The following KHDRBS2 variants were observed in gnomAD, a reference collection of about 807,000 sequenced individuals.
The protein encoded by KHDRBS2 is KH domain-containing, RNA-binding, signal transduction-associated protein 2.
KHDRBS2 carries 26 observed loss-of-function variants against 44.3 expected under a neutral mutation model. The observed-to-expected ratio is 0.59, with a 90% CI of 0.43 to 0.81. The LOEUF (loss-of-function observed/expected upper bound fraction) is 0.81. KHDRBS2 is among the 40% of genes least tolerant of loss of function. The pLI, the probability that KHDRBS2 is intolerant of heterozygous loss-of-function variation, is 0.00. For synonymous variants in KHDRBS2, 194 were observed against 151.1 expected (o/e 1.28, Z -2.08); for missense variants, 476 against 433.1 (o/e 1.10, Z -0.88).
intron 1 of KHDRBS2, among the ~76,000 whole-genome samples, chr6:62,283,224 C>CTT (rs1450796093): frequency 1.3e-5 from 2 of 152,040 alleles, no homozygotes; most frequent in Admixed American, 1.3e-4. Flanking sequence ...TAACAATCAA[C>CTT]TGAAATCATT....
chr6:61,596,648 A>G, the KHDRBS2 span, among the ~76,000 whole-genome samples: 2 of 151,742 alleles, frequency 1.3e-5, no homozygotes, highest in African/African-American at 2.4e-5. Context: ...TTTTAATTTA[A>G]TTTAATTAAT....
intron 2 of KHDRBS2, among the ~76,000 whole-genome samples, chr6:62,091,202 G>T (rs1235757986): frequency 6.6e-6 from 1 of 152,094 alleles, no homozygotes; most frequent in Non-Finnish European, 1.5e-5. Context: ...TCCCATCAGG[G>T]TCAAATCTTA....
chr6:62,098,100 C>T (rs1801028928), intron 2 of KHDRBS2, among the ~76,000 whole-genome samples: 1 of 152,134 alleles, frequency 6.6e-6, no homozygotes, highest in Non-Finnish European at 1.5e-5. Flanking sequence ...TATATTTTCA[C>T]CATTAATATA....
intron 4 of KHDRBS2, among the ~76,000 whole-genome samples, chr6:61,903,759 A>G (rs1376524320): frequency 1.3e-5 from 2 of 152,134 alleles, no homozygotes; most frequent in East Asian, 1.9e-4. Context: ...TTTTCTTCTT[A>G]CTGGAAACCC....
At chr6:61,546,813 C>A in the KHDRBS2 span, among the ~76,000 whole-genome samples, 1 of 152,092 alleles carries the variant, frequency 6.6e-6, no homozygotes, top group Admixed American at 6.6e-5. Context: ...TGCTTTTGTA[C>A]CACATCGTTT....
intron 3 of KHDRBS2, among the ~76,000 whole-genome samples, chr6:62,043,888 G>A (rs1009511875): frequency 6.6e-5 from 10 of 151,886 alleles, no homozygotes; most frequent in Non-Finnish European, 1.5e-4. Context: ...AACGAAATGA[G>A]TTTGTCATTC....
intron 2 of KHDRBS2, among the ~76,000 whole-genome samples, chr6:62,098,996 A>T (rs1801259018): frequency 6.6e-6 from 1 of 152,126 alleles, no homozygotes; most frequent in South Asian, 2.1e-4. Flanking sequence ...TAAAAAAATT[A>T]TTTTAAACTC....
intron 6 of KHDRBS2, among the ~76,000 whole-genome samples, chr6:61,835,710 CGT>C (rs3078000): frequency 0.08 from 11,586 of 145,366 alleles, 458 homozygotes; most frequent in Middle Eastern, 0.15. Flanking sequence ...TTGATGTGTG[CGT>C]GTGTGTGTGT....
chr6:61,816,878 C>T (rs1248971984), intron 6 of KHDRBS2: 5 of 448,366 alleles, frequency 1.1e-5, no homozygotes, highest in Admixed American at 2.4e-5. Flanking sequence ...TAATTTAAAC[C>T]ATACACTTTT....
intron 6 of KHDRBS2, among the ~76,000 whole-genome samples, chr6:61,762,497 T>A (rs1196172200): frequency 6.6e-6 from 1 of 152,154 alleles, no homozygotes; most frequent in Non-Finnish European, 1.5e-5. Flanking sequence ...GAGTTCTTGC[T>A]CTATAAGTTC....
rs554499015 is a variant in KHDRBS2, at chr6:61,697,574, G to C, written c.894-321C>G. 1.6e-4 allele frequency among the ~76,000 whole-genome samples: 24 copies of C among 152,126 alleles called. 1 individual carries two copies. Among genetic ancestry groups the C allele is most frequent in the African/African-American group, 5.5e-4 (23 of 41,520 alleles). Reference sequence around the variant, plus strand: ...AAAAGGCCTATTTCCAAGAAAAAGTGCTCTCTAAGATGACAATCTGGTCAA... The same window carrying C: ...AAAAGGCCTATTTCCAAGAAAAAGTCCTCTCTAAGATGACAATCTGGTCAA... On this transcript the variant is annotated intron_variant, in intron 7 of 8. Coordinates refer to ENST00000281156, the MANE Select transcript of KHDRBS2 (RefSeq NM_152688.4).
intron 2 of KHDRBS2, among the ~76,000 whole-genome samples, chr6:62,112,401 TC>T (rs1222861131): frequency 6.6e-6 from 1 of 152,116 alleles, no homozygotes; most frequent in African/African-American, 2.4e-5. Flanking sequence ...CATCTATATC[TC>T]TACTCTAAGA....
intron 2 of KHDRBS2, among the ~76,000 whole-genome samples, chr6:62,173,458 C>A (rs1438590313): frequency 1.3e-5 from 2 of 151,818 alleles, no homozygotes; most frequent in Non-Finnish European, 2.9e-5. Context: ...GACTACCAAC[C>A]AGAAAAAGCC....
chr6:62,076,866 G>A (rs1386381382), intron 2 of KHDRBS2, among the ~76,000 whole-genome samples: 1 of 151,904 alleles, frequency 6.6e-6, no homozygotes, highest in Admixed American at 6.6e-5. Context: ...GCAACATAGT[G>A]AGACCTCATC....
At chr6:61,647,403 T>C in the KHDRBS2 span, among the ~76,000 whole-genome samples, 1 of 152,108 alleles carries the variant, frequency 6.6e-6, no homozygotes, top group Non-Finnish European at 1.5e-5. Flanking sequence ...ATGGTGTTTA[T>C]GTAAGCTAAT....
the KHDRBS2 span, among the ~76,000 whole-genome samples, chr6:61,607,715 T>A: frequency 6.6e-6 from 1 of 151,980 alleles, no homozygotes; most frequent in East Asian, 1.9e-4. Context: ...TGAGGCAGAG[T>A]CTTGCTCTGT....
At chr6:61,880,605 A>G (rs569285250) in intron 6 of KHDRBS2, among the ~76,000 whole-genome samples, 1 of 152,076 alleles carries the variant, frequency 6.6e-6, no homozygotes, top group African/African-American at 2.4e-5. Context: ...TATAAAACAG[A>G]CACATTTTTT....
chr6:61,795,588 C>A (rs1375422573), intron 6 of KHDRBS2, among the ~76,000 whole-genome samples: 2 of 152,060 alleles, frequency 1.3e-5, no homozygotes, highest in African/African-American at 4.8e-5. Context: ...GGTTTTCATG[C>A]CACTTTTGTT....
At chr6:61,948,685 A>ATTATTATTG (rs1554286420) in intron 4 of KHDRBS2, among the ~76,000 whole-genome samples, 2 of 147,998 alleles carry the variant, frequency 1.4e-5, no homozygotes, top group East Asian at 3.9e-4. Flanking sequence ...TATTATTATT[A>ATTATTATTG]TTATTATTTT....
Sources: allele counts gnomAD v4.1 joint callset (sites outside exome capture counted in the v4.1 genomes callset), GRCh38; gene constraint gnomAD v4.1.1; transcripts MANE v1.5; gene names NCBI Gene and HGNC (gene_info 2026-07-23, HGNC 2026-07-21).